Variants in ACO1 observed in about 807,000 individuals in gnomAD.
The protein encoded by ACO1 is cytoplasmic aconitate hydratase.
A neutral mutation model predicts 105.1 loss-of-function variants in ACO1; 78 were observed. The observed-to-expected ratio is 0.74, with a 90% CI of 0.62 to 0.90. The LOEUF (loss-of-function observed/expected upper bound fraction) is 0.90. Ranked by LOEUF, ACO1 falls within the 40% of genes least tolerant of loss-of-function variation. ACO1 has a pLI of 0.00. For synonymous variants in ACO1, 364 were observed against 397.4 expected, an observed-to-expected ratio of 0.92 and a Z score of 1.00; for missense variants, 965 against 1,111.1, an observed-to-expected ratio of 0.87 and a Z score of 1.87.
chr9:32,387,187 A>G (rs1587505026), intron 1 of ACO1, among the ~76,000 whole-genome samples: 1 of 152,174 alleles, frequency 6.6e-6, no homozygotes, highest in African/African-American at 2.4e-5. Flanking sequence ...ATTACCTCCA[A>G]CCTGGTGCCA....
chr9:32,390,870 G>A (rs1821253174), intron 1 of ACO1, among the ~76,000 whole-genome samples: 1 of 152,174 alleles, frequency 6.6e-6, no homozygotes. Context: ...TCTGGAGCCT[G>A]TGGGTCTTCT....
chr9:32,433,926 C>A, intron 16 of ACO1, 94 bp downstream of exon 16: 1 of 1,028,434 alleles, frequency 9.7e-7, no homozygotes, highest in Non-Finnish European at 1.4e-6. Flanking sequence ...GCTTTGACTA[C>A]CCATTTTATT....
At chr9:32,407,671 G>T (rs1052709278) in intron 3 of ACO1, among the ~76,000 whole-genome samples, 2 of 152,182 alleles carry the variant, frequency 1.3e-5, no homozygotes, top group African/African-American at 4.8e-5. Context: ...AATAGGAAGG[G>T]TCATTATCCT....
chr9:32,445,335 T>C (rs1304243420), intron 19 of ACO1: 1 of 152,512 alleles, frequency 6.6e-6, no homozygotes, highest in Non-Finnish European at 1.5e-5. Flanking sequence ...CCTGGTTTAG[T>C]CTTGGGAGGG....
intron 19 of ACO1, among the ~76,000 whole-genome samples, chr9:32,443,666 T>C (rs991563604): frequency 6.6e-6 from 1 of 152,234 alleles, no homozygotes; most frequent in Non-Finnish European, 1.5e-5. Context: ...CTTCGCTTTA[T>C]AACGGAAGTC....
intron 1 of ACO1, among the ~76,000 whole-genome samples, chr9:32,387,159 A>C (rs1821172456): frequency 6.6e-6 from 1 of 152,178 alleles, no homozygotes; most frequent in Non-Finnish European, 1.5e-5. Flanking sequence ...CCTGTGAGGC[A>C]GCCAGATTCA....
At chr9:32,426,989 AT>A (rs1009212993) in intron 11 of ACO1, among the ~76,000 whole-genome samples, 1 of 149,250 alleles carries the variant, frequency 6.7e-6, no homozygotes, top group Non-Finnish European at 1.5e-5. Context: ...TAAAAAAAAA[AT>A]TAAAAACTCA....
At chr9:32,410,818 T>C (rs1241923391) in intron 4 of ACO1, among the ~76,000 whole-genome samples, 1 of 152,194 alleles carries the variant, frequency 6.6e-6, no homozygotes, top group African/African-American at 2.4e-5. Flanking sequence ...AGAATTTATT[T>C]CTTACACATC....
chr9:32,411,020 C>G (rs1300336535), intron 4 of ACO1, among the ~76,000 whole-genome samples: 1 of 152,154 alleles, frequency 6.6e-6, no homozygotes, highest in Non-Finnish European at 1.5e-5. Flanking sequence ...ACCACAGAGA[C>G]TCAAGGGGGC....
intron 1 of ACO1, among the ~76,000 whole-genome samples, chr9:32,401,844 C>T (rs1296763272): frequency 6.6e-6 from 1 of 152,182 alleles, no homozygotes. Flanking sequence ...ACTGTCCATG[C>T]CCACCCCCGT....
At chr9:32,386,577 G>C (rs964071957) in intron 1 of ACO1, 1 of 152,170 alleles carries the variant, frequency 6.6e-6, no homozygotes. Flanking sequence ...CATCCATAGA[G>C]CCTCTTGTGC....
intron 15 of ACO1, among the ~76,000 whole-genome samples, chr9:32,432,771 A>T (rs1302672667): frequency 6.6e-6 from 1 of 152,232 alleles, no homozygotes; most frequent in Non-Finnish European, 1.5e-5. Flanking sequence ...ATAGCAATAG[A>T]TATAGTGAGT....
chr9:32,423,079 C>G lies in ACO1; in HGVS notation c.971-240C>G, dbSNP rs541870542. Reference sequence around the variant, plus strand: ...CTATAGATAGAACCAGAATCTTTTTCAGAAAACAGTCACTTTGATAGGAAC... The same window carrying G: ...CTATAGATAGAACCAGAATCTTTTTGAGAAAACAGTCACTTTGATAGGAAC... On this transcript the variant is annotated intron_variant, in intron 8 of 20. Transcript: ENST00000309951. Among the ~76,000 whole-genome samples the G allele has an allele frequency of 2.0e-3, 310 of 152,210 alleles. 1 individual carries two copies. Among genetic ancestry groups the G allele is most frequent in the African/African-American group, 7.2e-3 (300 of 41,538 alleles).
chr9:32,426,706 T>TAA (rs1822108281), intron 11 of ACO1, among the ~76,000 whole-genome samples: 2 of 152,116 alleles, frequency 1.3e-5, no homozygotes, highest in African/African-American at 4.8e-5. Context: ...GTCTGTGGCT[T>TAA]TTTGTCCCCT....
intron 1 of ACO1, among the ~76,000 whole-genome samples, chr9:32,395,197 T>G (rs998041584): frequency 2.0e-5 from 3 of 152,150 alleles, no homozygotes; most frequent in African/African-American, 4.8e-5. Flanking sequence ...AAATGCAGGC[T>G]GGGTGTGGTG....
chr9:32,388,870 C>T (rs555902560), intron 1 of ACO1, among the ~76,000 whole-genome samples: 94 of 152,194 alleles, frequency 6.2e-4, no homozygotes, highest in African/African-American at 2.1e-3. Context: ...CGTATACTTT[C>T]GGAAGGAAAA....
chr9:32,431,568 T>G, intron 14 of ACO1, 151 bp from the exon 15 acceptor site: 1 of 789,838 alleles, frequency 1.3e-6, no homozygotes, highest in Non-Finnish European at 2.0e-6. Context: ...ACCCTGTATT[T>G]CCTCCAGTGG....
chr9:32,397,451 G>A (rs950483711), intron 1 of ACO1, among the ~76,000 whole-genome samples: 1 of 152,156 alleles, frequency 6.6e-6, no homozygotes, highest in Non-Finnish European at 1.5e-5. Context: ...AAGAATTAAT[G>A]TTTCTAGCTC....
At chr9:32,398,538 T>A (rs924665673) in intron 1 of ACO1, among the ~76,000 whole-genome samples, 3 of 149,970 alleles carry the variant, frequency 2.0e-5, no homozygotes, top group Non-Finnish European at 2.9e-5. Context: ...GGTTCGGAAT[T>A]TCTTTTTTTT....
Sources: gnomAD v4.1 joint callset for allele counts (sites outside exome capture counted in the v4.1 genomes callset) on GRCh38, gnomAD v4.1.1 for gene constraint, MANE v1.5 for transcripts, NCBI Gene and HGNC (gene_info 2026-07-23, HGNC 2026-07-21) for gene names.